SEMA3A: variants seen among roughly 807,000 people sequenced by gnomAD.
The protein encoded by SEMA3A is semaphorin 3A.
A neutral mutation model predicts 97.9 loss-of-function variants in SEMA3A; 29 were observed. The ratio of observed to expected loss-of-function variants is 0.30; its 90% CI spans 0.22 to 0.40. The LOEUF (loss-of-function observed/expected upper bound fraction) is 0.40. SEMA3A is among the 10% of genes least tolerant of loss of function. SEMA3A has a pLI of 1.00. For missense variants in SEMA3A, 763 were observed against 951.3 expected, an observed-to-expected ratio of 0.80 and a Z score of 2.60; for synonymous variants, 321 against 323.7, an observed-to-expected ratio of 0.99 and a Z score of 0.09.
At chr7:84,212,790 T>G (rs1798662427) in intron 3 of SEMA3A, among the ~76,000 whole-genome samples, 1 of 152,216 alleles carries the variant, frequency 6.6e-6, no homozygotes, top group African/African-American at 2.4e-5. Flanking sequence ...TTTTCCTTTC[T>G]TTTATGACTT....
chr7:84,298,114 G>A (rs1800914548), intron 3 of SEMA3A, among the ~76,000 whole-genome samples: 1 of 152,020 alleles, frequency 6.6e-6, no homozygotes, highest in South Asian at 2.1e-4. Context: ...CATAAAGGAG[G>A]GAGAACTGAT....
At chr7:84,349,599 T>C (rs909844203) in intron 2 of SEMA3A, among the ~76,000 whole-genome samples, 1 of 152,278 alleles carries the variant, frequency 6.6e-6, no homozygotes, top group South Asian at 2.1e-4. Flanking sequence ...ATAGCATACA[T>C]GTGGACAGAC....
intron 3 of SEMA3A, among the ~76,000 whole-genome samples, chr7:84,298,282 A>T (rs1464271256): frequency 6.6e-6 from 1 of 152,202 alleles, no homozygotes; most frequent in Non-Finnish European, 1.5e-5. Context: ...ACATAATATG[A>T]ATTCTAATGA....
chr7:84,292,465 A>T (rs1800774207), intron 3 of SEMA3A, among the ~76,000 whole-genome samples: 1 of 152,022 alleles, frequency 6.6e-6, no homozygotes, highest in Admixed American at 6.6e-5. Flanking sequence ...ACATTATGCA[A>T]CCATTTCTTG....
chr7:84,226,140 A>T (rs896806345), intron 3 of SEMA3A, among the ~76,000 whole-genome samples: 6 of 152,146 alleles, frequency 3.9e-5, no homozygotes, highest in African/African-American at 1.4e-4. Flanking sequence ...ATATGTAAGC[A>T]TAATCAGTAT....
rs768895846 is a variant in SEMA3A, at chr7:83,961,597, G to A, written c.2090C>T (p.Pro697Leu). Residue 697 changes from proline (P) to leucine (L), a missense_variant, in exon 17 of 17, where the codon CCT (proline) becomes CTT (leucine). Pro to Leu is a moderately conservative substitution (Grantham distance 98). This residue lies in a region of SEMA3A where 678 missense variants were observed against 881.3 expected (regional missense o/e 0.77). Coordinates refer to ENST00000265362, the MANE Select transcript of SEMA3A (RefSeq NM_006080.3). ...GTCTCTGTACCAGACCTTCTGGCTAGGTGTCATGCTATTGGACATTTCTTT... is the reference window on the plus strand; with the variant it reads ...GTCTCTGTACCAGACCTTCTGGCTAAGTGTCATGCTATTGGACATTTCTTT... ...KTKEMSNSMT[P>L]SQKVWYRDFM... 1 of 1,614,094 alleles carries A rather than the reference G, an allele frequency of 6.2e-7. No individual in the cohort carries two copies. The highest frequency in any genetic ancestry group is 1.1e-5 in the South Asian group (1 of 91,082).
Position 84,005,390 on chromosome 7 carries a change from C to A in SEMA3A, c.1309G>T (p.Asp437Tyr). 1 of 1,613,826 alleles carries A rather than the reference C, an allele frequency of 6.2e-7. No homozygotes were observed. Among genetic ancestry groups the A allele is most frequent in the South Asian group, 1.1e-5 (1 of 91,046 alleles). The change falls in exon 11 of 17, where the codon GAC becomes TAC. Residue 437 changes from aspartate to tyrosine, a missense_variant. By Grantham distance (160) the Asp-to-Tyr change is radical (BLOSUM62 -3). Transcript: ENST00000265362. ...TGTCCATCTTCTGCATCCACTCGGT[C>A]TACGACAATTTGTGTAAATTGATAA... ...VNYQFTQIVV[D>Y]RVDAEDGQYD...
chr7:84,208,600 G>C (rs1162206845), intron 3 of SEMA3A, among the ~76,000 whole-genome samples: 1 of 152,144 alleles, frequency 6.6e-6, no homozygotes, highest in African/African-American at 2.4e-5. Flanking sequence ...ATGGATAAAA[G>C]ATAATTACTG....
intron 2 of SEMA3A, among the ~76,000 whole-genome samples, chr7:84,344,267 T>C (rs1802241323): frequency 6.6e-6 from 1 of 152,072 alleles, no homozygotes; most frequent in Non-Finnish European, 1.5e-5. Context: ...AAGGGCCAGA[T>C]TTACCCTTCC....
At chr7:84,341,432 T>C (rs573545137) in intron 2 of SEMA3A, among the ~76,000 whole-genome samples, 19 of 152,086 alleles carry the variant, frequency 1.2e-4, no homozygotes, top group Non-Finnish European at 2.1e-4. Context: ...GTCATTAAGA[T>C]AATTTTTTTC....
chr7:84,228,856 C>A (rs1799051560), intron 3 of SEMA3A, among the ~76,000 whole-genome samples: 1 of 152,054 alleles, frequency 6.6e-6, no homozygotes, highest in South Asian at 2.1e-4. Context: ...GATCATGGTG[C>A]CTTCTATTGA....
At chr7:84,460,941 G>A (rs181325692) in intron 1 of SEMA3A, among the ~76,000 whole-genome samples, 10 of 152,272 alleles carry the variant, frequency 6.6e-5, no homozygotes, top group African/African-American at 2.4e-4. Context: ...CTCATACACA[G>A]AGAGTATTGC....
At chr7:83,983,838 G>T (rs1228133573) in intron 13 of SEMA3A, among the ~76,000 whole-genome samples, 1 of 152,076 alleles carries the variant, frequency 6.6e-6, no homozygotes, top group Non-Finnish European at 1.5e-5. Flanking sequence ...CCTTAACAAA[G>T]TGTGGGGTAT....
chr7:84,347,506 G>T (rs1802331334), intron 2 of SEMA3A, among the ~76,000 whole-genome samples: 1 of 151,542 alleles, frequency 6.6e-6, no homozygotes, highest in African/African-American at 2.4e-5. Context: ...CTGCCTCCCG[G>T]GTTCAAGTAA....
chr7:84,221,216 A>C (rs1216006180), intron 3 of SEMA3A, among the ~76,000 whole-genome samples: 2 of 152,078 alleles, frequency 1.3e-5, no homozygotes, highest in Non-Finnish European at 2.9e-5. Context: ...TAGCTTCTGC[A>C]CCTCTCTCAG....
At chr7:84,428,712 C>A (rs1195208654) in intron 1 of SEMA3A, among the ~76,000 whole-genome samples, 1 of 151,308 alleles carries the variant, frequency 6.6e-6, no homozygotes, top group Non-Finnish European at 1.5e-5. Context: ...GTACTTTCCA[C>A]CAAAACTGTA....
intron 2 of SEMA3A, among the ~76,000 whole-genome samples, chr7:84,351,393 C>A (rs1231839759): frequency 6.6e-6 from 1 of 151,948 alleles, no homozygotes; most frequent in Non-Finnish European, 1.5e-5. Flanking sequence ...GCTTTTTGAT[C>A]TTTAACTCAT....
chr7:84,449,903 T>C (rs935309245), intron 1 of SEMA3A, among the ~76,000 whole-genome samples: 1 of 152,200 alleles, frequency 6.6e-6, no homozygotes, highest in African/African-American at 2.4e-5. Flanking sequence ...GTTGTTGAAA[T>C]GGCAGGATTT....
intron 3 of SEMA3A, among the ~76,000 whole-genome samples, chr7:84,299,283 TATATCTATCTCCATATATATATCTCC>T (rs1562891909): frequency 7.1e-6 from 1 of 141,082 alleles, no homozygotes; most frequent in African/African-American, 2.7e-5. Flanking sequence ...TCTCCATATA[TATATCTATCTCCATATATATATCTCC>T]ATATATATAT....
Sources: allele counts gnomAD v4.1 joint callset (sites outside exome capture counted in the v4.1 genomes callset), GRCh38; gene constraint gnomAD v4.1.1; regional missense constraint gnomAD v4.1.1; transcripts MANE v1.5; gene names NCBI Gene and HGNC (gene_info 2026-07-23, HGNC 2026-07-21).